FAAH2: variants seen among roughly 807,000 people sequenced by gnomAD.
FAAH2 encodes fatty acid amide hydrolase 2, also known as fatty-acid amide hydrolase 2.
FAAH2 carries 60 observed loss-of-function variants against 36.9 expected under a neutral mutation model. That is an observed-to-expected ratio of 1.63 (90% confidence interval 1.32 to 2.02). The LOEUF (loss-of-function observed/expected upper bound fraction) is 2.02, where lower values mean the gene tolerates loss of function less well. Ranked by LOEUF, FAAH2 falls within the 30% of genes most tolerant of loss-of-function variation. FAAH2 has a pLI of 0.00. For synonymous variants in FAAH2, 214 were observed against 143.8 expected (o/e 1.49, Z -3.49); for missense variants, 689 against 397.5 (o/e 1.73, Z -6.23).
At chrX:57,394,286 C>G in intron 7 of FAAH2, 3 of 929,584 alleles carry the variant, frequency 3.2e-6, no homozygotes, top group Non-Finnish European at 4.7e-6. Context: ...TGTAGTCGTG[C>G]TTTTCCCTTC....
chrX:57,237,552 T>C, the FAAH2 span, among the ~76,000 whole-genome samples: 11 of 110,900 alleles, frequency 9.9e-5, no homozygotes, highest in African/African-American at 3.3e-4. Context: ...CATGAACCTA[T>C]CTATTCTGAC....
At chrX:57,172,245 G>T in the FAAH2 span, among the ~76,000 whole-genome samples, 7 of 111,434 alleles carry the variant, frequency 6.3e-5, no homozygotes, top group Non-Finnish European at 9.4e-5. Flanking sequence ...TTGTTTTTTG[G>T]TTTCGAATAA....
the FAAH2 span, among the ~76,000 whole-genome samples, chrX:57,129,170 G>A: frequency 9.0e-6 from 1 of 111,639 alleles, no homozygotes; most frequent in South Asian, 3.7e-4. Context: ...ATAGAGCACT[G>A]CTTCTTCATT....
the FAAH2 span, among the ~76,000 whole-genome samples, chrX:57,185,495 T>C: frequency 0.034 from 3,419 of 100,507 alleles, 138 homozygotes; most frequent in African/African-American, 0.13. Context: ...TCTCTGTGTG[T>C]GTGTGTGTGT....
chrX:57,241,249 T>C, the FAAH2 span, among the ~76,000 whole-genome samples: 5 of 112,489 alleles, frequency 4.4e-5, no homozygotes, highest in Non-Finnish European at 7.5e-5. Flanking sequence ...ATAAAAATCC[T>C]GGAAGACAAC....
the FAAH2 span, among the ~76,000 whole-genome samples, chrX:57,243,931 G>T: frequency 2.8e-5 from 3 of 108,974 alleles, no homozygotes; most frequent in Non-Finnish European, 5.7e-5. Context: ...TTCAGAAGGT[G>T]GATAATAACA....
chrX:57,262,082 C>T, the FAAH2 span, among the ~76,000 whole-genome samples: 1 of 107,633 alleles, frequency 9.3e-6, no homozygotes, highest in Non-Finnish European at 1.9e-5. Flanking sequence ...TATATATATA[C>T]TTTTCTTTAC....
At chrX:57,259,445 C>A in the FAAH2 span, among the ~76,000 whole-genome samples, 3 of 111,660 alleles carry the variant, frequency 2.7e-5, no homozygotes, top group African/African-American at 9.8e-5. Context: ...TATTATGCAA[C>A]CTTACAAGAG....
chrX:57,170,654 G>C, the FAAH2 span, among the ~76,000 whole-genome samples: 1 of 104,469 alleles, frequency 9.6e-6, no homozygotes, highest in Non-Finnish European at 1.9e-5. Context: ...CAAACCTGTG[G>C]TGTAGATCCT....
At chrX:57,161,523 G>A in the FAAH2 span, among the ~76,000 whole-genome samples, 1 of 111,514 alleles carries the variant, frequency 9.0e-6, no homozygotes, top group African/African-American at 3.3e-5. Context: ...CTAAGGACTT[G>A]CCTTATGAAT....
intron 10 of FAAH2, among the ~76,000 whole-genome samples, chrX:57,464,423 T>TA (rs1255037045): frequency 1.0e-5 from 1 of 95,293 alleles, no homozygotes; most frequent in Non-Finnish European, 2.1e-5. Context: ...TAAAGAAAAA[T>TA]AAAAATAATT....
At chrX:57,248,883 T>A in the FAAH2 span, among the ~76,000 whole-genome samples, 1 of 105,856 alleles carries the variant, frequency 9.4e-6, no homozygotes, top group African/African-American at 3.5e-5. Context: ...TGAGTCTTTT[T>A]AATTATCTTC....
At chrX:57,187,768 A>G in the FAAH2 span, among the ~76,000 whole-genome samples, 158 of 111,472 alleles carry the variant, frequency 1.4e-3, no homozygotes, top group Non-Finnish European at 2.3e-3. Flanking sequence ...GAGAGTTTTT[A>G]GCATGAAGGG....
At chrX:57,432,735 C>A (rs2056329632) in intron 8 of FAAH2, among the ~76,000 whole-genome samples, 1 of 110,854 alleles carries the variant, frequency 9.0e-6, no homozygotes, top group African/African-American at 3.3e-5. Flanking sequence ...TGTTTTCTGC[C>A]AATGGGAATA....
the FAAH2 span, among the ~76,000 whole-genome samples, chrX:57,142,543 A>G: frequency 9.8e-5 from 11 of 112,155 alleles, no homozygotes; most frequent in Non-Finnish European, 3.8e-5. Context: ...GTCTTGGAGA[A>G]TGTTCCATGT....
chrX:57,327,134 A>C (rs1378516560), intron 3 of FAAH2, among the ~76,000 whole-genome samples: 3 of 105,980 alleles, frequency 2.8e-5, no homozygotes, highest in Non-Finnish European at 3.9e-5. Context: ...GCTGGGTTGA[A>C]AGTTATTTTC....
At chrX:57,359,662 A>T (rs1050311744) in intron 5 of FAAH2, among the ~76,000 whole-genome samples, 14 of 111,733 alleles carry the variant, frequency 1.3e-4, no homozygotes, top group Admixed American at 8.6e-4. Context: ...ATTCATAGTT[A>T]TTTTCATGTT....
the FAAH2 span, among the ~76,000 whole-genome samples, chrX:57,280,462 T>G: frequency 9.0e-6 from 1 of 110,912 alleles, no homozygotes; most frequent in Non-Finnish European, 1.9e-5. Context: ...ATGAAACTGT[T>G]TTAGGCCCTA....
chrX:57,399,041 C>G (rs1200134328), intron 7 of FAAH2, among the ~76,000 whole-genome samples: 1 of 111,458 alleles, frequency 9.0e-6, no homozygotes, highest in Non-Finnish European at 1.9e-5. Context: ...CGAGCATGGA[C>G]TAGCAGGCCG....
Sources: allele counts gnomAD v4.1 joint callset (sites outside exome capture counted in the v4.1 genomes callset), GRCh38; gene constraint gnomAD v4.1.1; transcripts MANE v1.5; gene names NCBI Gene and HGNC (gene_info 2026-07-23, HGNC 2026-07-21).